QPCT: variants seen among roughly 807,000 people sequenced by gnomAD.
QPCT encodes the protein EC.
QPCT carries 44 observed loss-of-function variants against 43.4 expected under a neutral mutation model. The observed-to-expected ratio is 1.01, with a 90% CI of 0.80 to 1.30. QPCT has a LOEUF of 1.30. QPCT is among the 50% of genes most tolerant of loss of function. QPCT has a pLI of 0.00. For missense variants in QPCT, 526 were observed against 436.5 expected (o/e 1.21, Z -1.83); for synonymous variants, 168 against 168.4 (o/e 1.00, Z 0.02).
chr2:37,363,659 T>TAAAAAAAAA (rs58100358), intron 3 of QPCT, among the ~76,000 whole-genome samples: 3 of 79,384 alleles, frequency 3.8e-5, no homozygotes, highest in Non-Finnish European at 3.7e-5. Context: ...TTTTAAAATG[T>TAAAAAAAAA]AAAAAAAAAA....
intron 2 of QPCT, among the ~76,000 whole-genome samples, chr2:37,357,499 C>T (rs1393175632): frequency 6.6e-6 from 1 of 152,132 alleles, no homozygotes; most frequent in Non-Finnish European, 1.5e-5. Context: ...TGATAGCCTA[C>T]TGTGAGCAAA....
intron 2 of QPCT, among the ~76,000 whole-genome samples, chr2:37,355,264 C>T (rs1445198045): frequency 6.6e-6 from 1 of 152,072 alleles, no homozygotes; most frequent in Non-Finnish European, 1.5e-5. Flanking sequence ...CTGTGGAAGA[C>T]AAAGGAATTC....
chr2:37,346,299 A>G (rs116357370), intron 1 of QPCT, among the ~76,000 whole-genome samples: 2,364 of 152,334 alleles, frequency 0.016, 29 homozygotes, highest in South Asian at 0.026. Context: ...AAGGAAAACA[A>G]CTTCCCATGG....
chr2:37,355,254 C>T (rs1372187427), intron 2 of QPCT, among the ~76,000 whole-genome samples: 1 of 152,120 alleles, frequency 6.6e-6, no homozygotes, highest in Non-Finnish European at 1.5e-5. Flanking sequence ...ATCTTCTAAG[C>T]TGTGGAAGAC....
At chr2:37,365,452 T>A (rs576598797) in intron 3 of QPCT, among the ~76,000 whole-genome samples, 1 of 152,302 alleles carries the variant, frequency 6.6e-6, no homozygotes, top group African/African-American at 2.4e-5. Flanking sequence ...AAAACCCAAC[T>A]GGGCTAAGTT....
At chr2:37,371,707 CA>C (rs1673077707) in intron 5 of QPCT, among the ~76,000 whole-genome samples, 2 of 152,124 alleles carry the variant, frequency 1.3e-5, no homozygotes, top group African/African-American at 4.8e-5. Context: ...CAGTGGTTCT[CA>C]AACTTTAAAG....
At chr2:37,347,164 A>ATATATT (rs555548922) in intron 1 of QPCT, among the ~76,000 whole-genome samples, 1 of 29,792 alleles carries the variant, frequency 3.4e-5, no homozygotes, top group African/African-American at 2.2e-4. Flanking sequence ...ATATATATAT[A>ATATATT]ACATATATAT....
intron 5 of QPCT, 68 bp from the exon 6 acceptor site, chr2:37,372,288 A>C: frequency 8.8e-7 from 1 of 1,133,618 alleles, no homozygotes; most frequent in Non-Finnish European, 1.3e-6. Context: ...CTCCTTAAAT[A>C]AGGATACATT....
At position 37,359,878 on chromosome 2, in the gene QPCT, T is replaced by C. The variant is rs775600429; in HGVS notation, c.546+20T>C. ...TTAAAGGTATCTGTTTTCTGCTTAT[T>C]GATTCCTAGGATAAAGTACATTAAC... On this transcript the variant is annotated intron_variant, in intron 3 of 6. Transcript: ENST00000338415. The C allele has an allele frequency of 6.2e-7, 1 of 1,608,398 alleles. No homozygotes were observed. Among genetic ancestry groups the C allele is most frequent in the African/African-American group, 1.3e-5 (1 of 74,776 alleles).
intron 2 of QPCT, among the ~76,000 whole-genome samples, chr2:37,355,346 A>T (rs1408079113): frequency 6.6e-6 from 1 of 152,208 alleles, no homozygotes; most frequent in Non-Finnish European, 1.5e-5. Flanking sequence ...TTTGACTAAG[A>T]TTAGATCCTT....
intron 1 of QPCT, among the ~76,000 whole-genome samples, chr2:37,345,320 C>T (rs1672461323): frequency 6.6e-6 from 1 of 152,116 alleles, no homozygotes; most frequent in African/African-American, 2.4e-5. Flanking sequence ...GCTGAAGTGT[C>T]CCTACAGTCT....
chr2:37,348,333 C>G (rs549607741), intron 1 of QPCT, among the ~76,000 whole-genome samples: 5 of 152,154 alleles, frequency 3.3e-5, no homozygotes, highest in Non-Finnish European at 2.9e-5. Flanking sequence ...CCGCACGGCT[C>G]TGCTTTTAAG....
intron 2 of QPCT, 110 bp from the exon 3 acceptor site, chr2:37,359,470 G>A (rs995388620): frequency 1.1e-6 from 1 of 950,024 alleles, no homozygotes; most frequent in Admixed American, 2.7e-5. Context: ...TTCATTAAGT[G>A]TGTATTCCAA....
chr2:37,357,878 A>C, intron 2 of QPCT, among the ~76,000 whole-genome samples: 1 of 150,852 alleles, frequency 6.6e-6, no homozygotes, highest in Non-Finnish European at 1.5e-5. Flanking sequence ...TGTATTTCTT[A>C]GGAGGAAAAA....
rs746001291 is a variant in QPCT at position 37,372,706 on chromosome 2, C to G, written c.965C>G (p.Pro322Arg). The G allele has an allele frequency of 7.4e-6, 12 of 1,613,214 alleles. No homozygotes were observed. Among genetic ancestry groups the G allele is most frequent in the Non-Finnish European group, 8.5e-6 (10 of 1,179,702 alleles). Reference protein sequence around the residue: ...RRGVPVLHLIPSPFPEVWHTM... With the variant: ...RRGVPVLHLIRSPFPEVWHTM... ...GGTGTTCCAGTTCTGCATCTGATACCGTCTCCTTTCCCTGAAGTCTGGCAC... is the reference window on the plus strand; with the variant it reads ...GGTGTTCCAGTTCTGCATCTGATACGGTCTCCTTTCCCTGAAGTCTGGCAC... The change falls in exon 7 of 7, where the codon CCG (proline) becomes CGG (arginine). Residue 322 changes from proline (P) to arginine (R), a missense_variant. Transcript: ENST00000338415.
At chr2:37,367,953 G>A (rs962998332) in intron 4 of QPCT, among the ~76,000 whole-genome samples, 3 of 152,136 alleles carry the variant, frequency 2.0e-5, no homozygotes, top group African/African-American at 7.2e-5. Context: ...GTAAAAAATT[G>A]GATTACAGGA....
intron 2 of QPCT, among the ~76,000 whole-genome samples, chr2:37,353,971 TCTC>T (rs1053953734): frequency 1.8e-4 from 27 of 152,232 alleles, no homozygotes; most frequent in South Asian, 8.3e-4. Context: ...TTCACACTAT[TCTC>T]CTGCCTCAGC....
At chr2:37,355,995 G>T (rs1672736998) in intron 2 of QPCT, among the ~76,000 whole-genome samples, 1 of 152,122 alleles carries the variant, frequency 6.6e-6, no homozygotes, top group African/African-American at 2.4e-5. Context: ...CAAGAGTAAA[G>T]AGGTACCCGA....
At chr2:37,360,225 C>T (rs576077046) in intron 3 of QPCT, among the ~76,000 whole-genome samples, 1 of 152,342 alleles carries the variant, frequency 6.6e-6, no homozygotes, top group South Asian at 2.1e-4. Context: ...TGAAACATCA[C>T]AACCTTCTGA....
Sources: gnomAD v4.1 joint callset for allele counts (sites outside exome capture counted in the v4.1 genomes callset) on GRCh38, gnomAD v4.1.1 for gene constraint, MANE v1.5 for transcripts, NCBI Gene and HGNC (gene_info 2026-07-23, HGNC 2026-07-21) for gene names.